Variants in PDSS1 observed in about 807,000 individuals in gnomAD.
PDSS1 encodes the protein all trans-polyprenyl-diphosphate synthase PDSS1.
A neutral mutation model predicts 57.5 loss-of-function variants in PDSS1; 43 were observed. The observed-to-expected ratio is 0.75, with a 90% CI of 0.59 to 0.96. PDSS1 has a LOEUF of 0.96. Among genes scored for constraint, PDSS1 ranks in the 50% least tolerant of loss-of-function variants. The pLI, the probability that PDSS1 is intolerant of heterozygous loss-of-function variation, is 0.00. For synonymous variants in PDSS1, 175 were observed against 191.3 expected (o/e 0.91, Z 0.70); for missense variants, 438 against 527.8 (o/e 0.83, Z 1.67).
At chr10:26,725,881 A>G (rs1835934376) in intron 8 of PDSS1, among the ~76,000 whole-genome samples, 1 of 152,270 alleles carries the variant, frequency 6.6e-6, no homozygotes, top group South Asian at 2.1e-4. Flanking sequence ...TTCAAGACCA[A>G]CCTAGGCAAC....
At chr10:26,745,569 G>C (rs1007480923) in intron 11 of PDSS1, among the ~76,000 whole-genome samples, 18 of 152,122 alleles carry the variant, frequency 1.2e-4, no homozygotes, top group Admixed American at 1.2e-3. Context: ...AAACTAGGCT[G>C]GGCACGGTGG....
At chr10:26,717,682 C>T (rs1348576835) in intron 5 of PDSS1, 1 of 152,102 alleles carries the variant, frequency 6.6e-6, no homozygotes, top group Admixed American at 6.5e-5. Flanking sequence ...GCAGGAGCCC[C>T]GTCTGCTGAT....
At chr10:26,722,923 G>A (rs1236650453) in intron 6 of PDSS1, among the ~76,000 whole-genome samples, 1 of 148,102 alleles carries the variant, frequency 6.8e-6, no homozygotes, top group Non-Finnish European at 1.5e-5. Context: ...GTCTAGGAAT[G>A]AGGGGCAGTG....
At chr10:26,703,120 G>C (rs1835096900) in intron 2 of PDSS1, among the ~76,000 whole-genome samples, 1 of 152,164 alleles carries the variant, frequency 6.6e-6, no homozygotes, top group African/African-American at 2.4e-5. Context: ...CTCTCTCCAT[G>C]AGTAGGTATT....
At position 26,710,015 on chromosome 10, in the gene PDSS1, G is replaced by A. The variant is rs550005241; in HGVS notation, c.467+247G>A. Among the ~76,000 whole-genome samples the A allele has an allele frequency of 8.6e-5, 13 of 151,912 alleles. No individual in the cohort carries two copies. In the South Asian group the frequency reaches 1.3e-3, roughly 15 times the overall value. Reference sequence around the variant, plus strand: ...AAAATACAAAAAAAATTAGCCGGGCGTGGTGGCAGGTGCCTGTAATCCCAG... The same window carrying A: ...AAAATACAAAAAAAATTAGCCGGGCATGGTGGCAGGTGCCTGTAATCCCAG... On this transcript the variant is annotated intron_variant, in intron 5 of 11. Coordinates refer to ENST00000376215, the MANE Select transcript of PDSS1 (RefSeq NM_014317.5).
At chr10:26,702,492 T>C (rs71483809) in intron 2 of PDSS1, among the ~76,000 whole-genome samples, 1 of 152,178 alleles carries the variant, frequency 6.6e-6, no homozygotes, top group African/African-American at 2.4e-5. Context: ...GATTGGTAGT[T>C]CCTTCTGTGT....
intron 5 of PDSS1, 94 bp from the exon 6 acceptor site, chr10:26,720,124 C>T: frequency 6.4e-7 from 1 of 1,567,582 alleles, no homozygotes; most frequent in Middle Eastern, 2.3e-4. Context: ...AAATAACATT[C>T]TTTATCCTAG....
chr10:26,742,388 T>C (rs1836651036), intron 10 of PDSS1, 109 bp from the exon 11 acceptor site: 4 of 819,866 alleles, frequency 4.9e-6, no homozygotes, highest in Non-Finnish European at 8.1e-6. Flanking sequence ...CTTAGTTTCA[T>C]TTTTGTTGTT....
chr10:26,726,112 T>G (rs1293782926), intron 8 of PDSS1, among the ~76,000 whole-genome samples: 2 of 152,100 alleles, frequency 1.3e-5, no homozygotes, highest in African/African-American at 2.4e-5. Flanking sequence ...TGGACCTGAG[T>G]CATGATAGAG....
rs1044364022 is a variant in PDSS1, at chr10:26,702,165, C to T, written c.133C>T (p.His45Tyr). 3 of 455,794 alleles carry T rather than the reference C, an allele frequency of 6.6e-6. No homozygotes were observed. The highest frequency in any genetic ancestry group is 1.6e-5 in the South Asian group (1 of 64,230). 28.2% of individuals were successfully genotyped at this position (455,794 alleles called of 1,614,324 possible). ...SAAAEVRAQV[H>Y]RRKGLDLSQI... Reference sequence around the variant, plus strand: ...TAACTTGTTTTTGATTTTACAGGTTCATAGGCGGAAGGGACTTGACTTGTC... The same window carrying T: ...TAACTTGTTTTTGATTTTACAGGTTTATAGGCGGAAGGGACTTGACTTGTC... Residue 45 changes from histidine (H) to tyrosine (Y), a missense_variant, in exon 2 of 12, where the codon CAT becomes TAT. This residue lies in a region of PDSS1 where 154 missense variants were observed against 137.0 expected (regional missense o/e 1.12). Transcript: ENST00000376215.
At chr10:26,709,920 A>T (rs935850117) in intron 5 of PDSS1, 152 bp downstream of exon 5, 1 of 807,580 alleles carries the variant, frequency 1.2e-6, no homozygotes, top group African/African-American at 1.7e-5. Flanking sequence ...TGGGAGCCTG[A>T]GGCGGGTGGA....
At chr10:26,716,279 A>G (rs895835859) in intron 5 of PDSS1, among the ~76,000 whole-genome samples, 2 of 152,210 alleles carry the variant, frequency 1.3e-5, no homozygotes, top group African/African-American at 2.4e-5. Flanking sequence ...CACATTTTAT[A>G]TTAGTATGAA....
At chr10:26,713,240 C>T (rs71492545) in intron 5 of PDSS1, among the ~76,000 whole-genome samples, 3 of 147,014 alleles carry the variant, frequency 2.0e-5, no homozygotes, top group African/African-American at 7.5e-5. Flanking sequence ...TGCAGTGAGC[C>T]GAGATCACGC....
chr10:26,725,903 C>A (rs1376143623), intron 8 of PDSS1, among the ~76,000 whole-genome samples: 2 of 152,080 alleles, frequency 1.3e-5, no homozygotes, highest in African/African-American at 4.8e-5. Context: ...TAGCAAGATC[C>A]CCATCTCTAC....
At chr10:26,742,462 T>C (rs755898679) in intron 10 of PDSS1, 35 bp from the exon 11 acceptor site, 7 of 1,439,090 alleles carry the variant, frequency 4.9e-6, no homozygotes, top group Non-Finnish European at 6.8e-6. Flanking sequence ...GAGAAATAAA[T>C]AGATTTTCTC....
chr10:26,733,253 G>C (rs1447197561), intron 8 of PDSS1, among the ~76,000 whole-genome samples: 1 of 152,036 alleles, frequency 6.6e-6, no homozygotes, highest in Non-Finnish European at 1.5e-5. Flanking sequence ...ATTCTGTCCT[G>C]AGCCCAGCAC....
chr10:26,705,370 A>G lies in PDSS1; in HGVS notation c.312A>G (p.Lys104=). 6.2e-7 allele frequency: 1 copy of G among 1,600,252 alleles called. No homozygotes were observed. Among genetic ancestry groups the G allele is most frequent in the Non-Finnish European group, 8.6e-7 (1 of 1,168,048 alleles). ...DPFKLGWRDL[K]GLYEDIRKEL... is the part of the protein sequence containing the mutation. ...TCAAACTCGGTTGGAGAGACTTGAA[A>G]GGTCTGTATGAGGACATTAGAAAGG... Residue 104 remains lysine, a synonymous_variant, in exon 4 of 12, where the codon AAA becomes AAG. Transcript: ENST00000376215.
intron 2 of PDSS1, among the ~76,000 whole-genome samples, chr10:26,702,702 C>G (rs1016435751): frequency 6.6e-6 from 1 of 152,138 alleles, no homozygotes; most frequent in African/African-American, 2.4e-5. Flanking sequence ...TTCTAAAAAT[C>G]AGCTACGCAT....
At chr10:26,745,680 C>T (rs963220441) in intron 11 of PDSS1, among the ~76,000 whole-genome samples, 13 of 152,052 alleles carry the variant, frequency 8.5e-5, no homozygotes, top group African/African-American at 2.9e-4. Context: ...AACCCCATCT[C>T]TACTAAAAAT....
Sources: allele counts gnomAD v4.1 joint callset (sites outside exome capture counted in the v4.1 genomes callset), GRCh38; gene constraint gnomAD v4.1.1; regional missense constraint gnomAD v4.1.1; transcripts MANE v1.5; gene names NCBI Gene and HGNC (gene_info 2026-07-23, HGNC 2026-07-21).